Variants in ACAN observed in about 807,000 individuals in gnomAD.
ACAN encodes aggrecan core protein.
ACAN carries 47 observed loss-of-function variants against 169.1 expected under a neutral mutation model. That is an observed-to-expected ratio of 0.28 (90% CI 0.22 to 0.35). The LOEUF (loss-of-function observed/expected upper bound fraction) is 0.35, where lower values mean the gene tolerates loss of function less well. ACAN is among the 10% of genes least tolerant of loss of function. The pLI is 1.00. For synonymous variants in ACAN, 1,115 were observed against 1,112.2 expected, an observed-to-expected ratio of 1.00 and a Z score of -0.05; for missense variants, 2,716 against 2,759.9, an observed-to-expected ratio of 0.98 and a Z score of 0.36.
chr15:88,864,929 C>T (rs369531444), intron 13 of ACAN, among the ~76,000 whole-genome samples: 4 of 152,194 alleles, frequency 2.6e-5, no homozygotes, highest in Admixed American at 2.0e-4. Context: ...CATTGCTCTT[C>T]GTTCAGCATT....
At chr15:88,830,807 C>T (rs760927195) in intron 1 of ACAN, among the ~76,000 whole-genome samples, 1 of 152,164 alleles carries the variant, frequency 6.6e-6, no homozygotes, top group Non-Finnish European at 1.5e-5. Flanking sequence ...GCTTTATAGA[C>T]ACTGTACACT....
chr15:88,857,017 G>C lies in ACAN; in HGVS notation c.4432G>C (p.Glu1478Gln). The change falls in exon 12 of 19, where the codon GAG (glutamate) becomes CAG (glutamine). Residue 1478 changes from glutamate (E) to glutamine (Q), a missense_variant. Transcript: ENST00000560601. ...ACTTCCTTCTGGAGGAGAAGTTCTA[G>C]AGATTTCTGTCTCTGGAGTAGAGGA... is the stretch of plus-strand genomic sequence containing the variant. ...SGLPSGGEVL[E>Q]ISVSGVEDIS... The C allele has an allele frequency of 1.2e-6, 2 of 1,613,500 alleles. No homozygotes were observed. Among genetic ancestry groups the C allele is most frequent in the South Asian group, 1.1e-5 (1 of 91,072 alleles).
At chr15:88,806,847 G>T (rs772394010) in intron 1 of ACAN, among the ~76,000 whole-genome samples, 2 of 152,036 alleles carry the variant, frequency 1.3e-5, no homozygotes, top group Non-Finnish European at 2.9e-5. Context: ...TCAATTTAGC[G>T]GGGTTCTTAA....
intron 13 of ACAN, among the ~76,000 whole-genome samples, chr15:88,863,401 G>A (rs1897235226): frequency 6.6e-6 from 1 of 152,132 alleles, no homozygotes; most frequent in Admixed American, 6.5e-5. Context: ...TCATGCCTGG[G>A]CCCCACTCTG....
At chr15:88,829,911 G>A (rs183282774) in intron 1 of ACAN, among the ~76,000 whole-genome samples, 6 of 152,328 alleles carry the variant, frequency 3.9e-5, no homozygotes, top group Non-Finnish European at 7.3e-5. Flanking sequence ...CACAGTCTGC[G>A]TGATGAGACA....
chr15:88,814,403 T>G lies in ACAN; in HGVS notation c.-8+10594T>G, dbSNP rs763167054. On this transcript the variant is annotated intron_variant, in intron 1 of 18. Coordinates refer to ENST00000560601, the MANE Select transcript of ACAN (RefSeq NM_001369268.1). The surrounding 1 kb of genome is among the most constrained non-coding windows in gnomAD (Gnocchi z 4.0). ...GCCCAAACTGAAGTTTCTCAGCTGC[T>G]TTTCTGCCTACTTATGCTCTTAAGA... Among the ~76,000 whole-genome samples the G allele has an allele frequency of 1.3e-5, 2 of 152,170 alleles. No individual in the cohort carries two copies. Among genetic ancestry groups the G allele is most frequent in the Non-Finnish European group, 2.9e-5 (2 of 68,024 alleles).
chr15:88,858,308 C>G lies in ACAN; in HGVS notation c.5723C>G (p.Ser1908Cys), dbSNP rs1437942537. The stretch of plus-strand genomic sequence containing the variant: ...GGCATAGCTGAGGTCAGTGGAGAAT[C>G]CTCCAGAGCTGAGATTGGGAGCAGC... ...PSGIAEVSGE[S>C]SRAEIGSSLP... The change falls in exon 12 of 19, where the codon TCC becomes TGC. Residue 1908 changes from serine (S) to cysteine (C), a missense_variant. Coordinates refer to ENST00000560601, the MANE Select transcript of ACAN (RefSeq NM_001369268.1). The surrounding 1 kb of genome is among the most constrained non-coding windows in gnomAD (Gnocchi z 4.0). 1 of 1,613,954 alleles carries G rather than the reference C, an allele frequency of 6.2e-7. No individual in the cohort carries two copies. Among genetic ancestry groups the G allele is most frequent in the Non-Finnish European group, 8.5e-7 (1 of 1,179,884 alleles).
At chr15:88,854,372 T>G (rs1017289513) in intron 11 of ACAN, among the ~76,000 whole-genome samples, 1 of 152,208 alleles carries the variant, frequency 6.6e-6, no homozygotes, top group Non-Finnish European at 1.5e-5. Flanking sequence ...TGCTTTTCTA[T>G]TCAAGCTCCC....
At position 88,844,294 on chromosome 15, in the gene ACAN, C is replaced by CTATT. The variant is rs1343133224; in HGVS notation, c.1051+647_1051+648insATTT. 3.4e-3 allele frequency among the ~76,000 whole-genome samples: 352 copies of CTATT among 104,676 alleles called. 1 individual carries two copies. Among genetic ancestry groups the CTATT allele is most frequent in the African/African-American group, 0.012 (331 of 27,682 alleles). The allele number at this position is 104,676 out of a possible 152,430, so 68.7% of individuals were successfully genotyped here. A position where few individuals can be genotyped will look rare whatever the true frequency, so the allele number is the denominator to read the frequency against. Reference sequence around the variant, plus strand: ...GGAATACAGGCACCACCATGCTTTGCTTTTTTTTTTTTTTTTTTTTGGTAG... The same window carrying CTATT: ...GGAATACAGGCACCACCATGCTTTGCTATTTTTTTTTTTTTTTTTTTTTTGGTAG... On this transcript the variant is annotated intron_variant, in intron 6 of 18. Transcript: ENST00000560601.
chr15:88,871,347 T>G lies in ACAN; in HGVS notation c.7061-35T>G. On this transcript the variant is annotated intron_variant, in intron 14 of 18. Transcript: ENST00000560601. This position sits in a 1 kb window ranked among gnomAD's most constrained non-coding sequence, Gnocchi z 7.8. The stretch of plus-strand genomic sequence containing the variant: ...GCATCTGCCATCCCCTGGTGGCCTC[T>G]GCCCCTCCCTTCAAGCCCCTGACCT... The G allele has an allele frequency of 6.2e-7, 1 of 1,613,048 alleles. No individual in the cohort carries two copies. Among genetic ancestry groups the G allele is most frequent in the South Asian group, 1.1e-5 (1 of 91,002 alleles).
At chr15:88,854,784 A>G in intron 11 of ACAN, 68 bp from the exon 12 acceptor site, 1 of 1,348,556 alleles carries the variant, frequency 7.4e-7, no homozygotes, top group Non-Finnish European at 9.6e-7. Flanking sequence ...TTTAGATTCT[A>G]CATTTGAGCT....
In ACAN at chr15:88,873,659, A is replaced by C; in HGVS notation, c.7448-183A>C. 1 of 620,552 alleles carries C rather than the reference A, an allele frequency of 1.6e-6. No homozygotes were observed. Among genetic ancestry groups the C allele is most frequent in the Non-Finnish European group, 2.8e-6 (1 of 357,906 alleles). 38.4% of individuals were successfully genotyped at this position (620,552 alleles called of 1,614,324 possible). ...GTTTGTATTCCCTTCCTGCTGTTCT[A>C]AATTGTTGAGGAACCCAGATGTTAC... On this transcript the variant is annotated intron_variant, in intron 17 of 18. Coordinates refer to ENST00000560601, the MANE Select transcript of ACAN (RefSeq NM_001369268.1). The surrounding 1 kb of genome is among the most constrained non-coding windows in gnomAD (Gnocchi z 7.5).
Position 88,851,694 on chromosome 15 carries a change from T to C in ACAN, c.2027-100T>C. 7.1e-7 allele frequency: 1 copy of C among 1,413,450 alleles called. No individual in the cohort carries two copies. The highest frequency in any genetic ancestry group is 9.4e-7 in the Non-Finnish European group (1 of 1,064,822). 87.6% of individuals were successfully genotyped at this position (1,413,450 alleles called of 1,614,324 possible). A position where few individuals can be genotyped will look rare whatever the true frequency, so the allele number is the denominator to read the frequency against. On this transcript the variant is annotated intron_variant, in intron 10 of 18. Coordinates refer to ENST00000560601, the MANE Select transcript of ACAN (RefSeq NM_001369268.1). The surrounding 1 kb of genome is among the most constrained non-coding windows in gnomAD (Gnocchi z 4.3). ...ATCTGCTGAACTAGGAGGTGGGGCC[T>C]GGCCACCTCAGAGTCCCCTAGCTCC...
intron 1 of ACAN, among the ~76,000 whole-genome samples, chr15:88,826,628 G>A (rs751228446): frequency 1.6e-3 from 236 of 152,154 alleles, no homozygotes; most frequent in Non-Finnish European, 1.9e-3. Flanking sequence ...CCAACCGTGC[G>A]CATATTCCAG....
intron 1 of ACAN, among the ~76,000 whole-genome samples, chr15:88,812,132 G>A (rs187971293): frequency 3.3e-5 from 5 of 152,270 alleles, no homozygotes; most frequent in South Asian, 2.1e-4. Context: ...TCGGGTTAGC[G>A]CCTCGGCCTC....
intron 1 of ACAN, among the ~76,000 whole-genome samples, chr15:88,820,680 A>G (rs1896054386): frequency 6.6e-6 from 1 of 152,014 alleles, no homozygotes; most frequent in Non-Finnish European, 1.5e-5. Flanking sequence ...AGGTCTCCCA[A>G]ATCAGATGAT....
chr15:88,840,943 G>A (rs1053738725), intron 4 of ACAN, among the ~76,000 whole-genome samples: 2 of 152,162 alleles, frequency 1.3e-5, no homozygotes, highest in Non-Finnish European at 2.9e-5. Context: ...AGGAGATCGA[G>A]ACCATCCTAG....
At chr15:88,841,077 G>A (rs1896648245) in intron 4 of ACAN, among the ~76,000 whole-genome samples, 1 of 152,196 alleles carries the variant, frequency 6.6e-6, no homozygotes, top group Non-Finnish European at 1.5e-5. Context: ...CCCGGGAGGT[G>A]GAGCTTGCAG....
At chr15:88,824,198 C>T (rs1896149269) in intron 1 of ACAN, among the ~76,000 whole-genome samples, 1 of 152,062 alleles carries the variant, frequency 6.6e-6, no homozygotes, top group Admixed American at 6.6e-5. Flanking sequence ...GTGGCGGGCA[C>T]CTGTAGTCCC....
Sources: allele counts gnomAD v4.1 joint callset (sites outside exome capture counted in the v4.1 genomes callset), GRCh38; gene constraint gnomAD v4.1.1; non-coding constraint Gnocchi (gnomAD v3.1); transcripts MANE v1.5; gene names NCBI Gene and HGNC (gene_info 2026-07-23, HGNC 2026-07-21).